Variants in FRMD4B observed in about 807,000 individuals in gnomAD.
FRMD4B encodes the protein FERM domain-containing protein 4B.
In FRMD4B, 74 loss-of-function variants were observed where a neutral mutation model predicts 141.5. That is an observed-to-expected ratio of 0.52 (90% confidence interval 0.43 to 0.63). The LOEUF (loss-of-function observed/expected upper bound fraction) is 0.63, where lower values mean the gene tolerates loss of function less well. Ranked by LOEUF, FRMD4B falls within the 30% of genes least tolerant of loss-of-function variation. The pLI, the probability that FRMD4B is intolerant of heterozygous loss-of-function variation, is 0.00. For missense variants in FRMD4B, 1,366 were observed against 1,253.4 expected, an observed-to-expected ratio of 1.09 and a Z score of -1.36; for synonymous variants, 506 against 467.9, an observed-to-expected ratio of 1.08 and a Z score of -1.05.
intron 5 of FRMD4B, among the ~76,000 whole-genome samples, chr3:69,252,205 G>A (rs747495900): frequency 5.3e-5 from 8 of 152,126 alleles, no homozygotes; most frequent in Non-Finnish European, 1.0e-4. Context: ...ATATTCTTAG[G>A]GAAGCAGCTA....
chr3:69,403,271 A>C (rs1704597046), intron 2 of FRMD4B, among the ~76,000 whole-genome samples: 1 of 152,238 alleles, frequency 6.6e-6, no homozygotes, highest in Non-Finnish European at 1.5e-5. Context: ...ATGTGCAGGC[A>C]TTGACTTATG....
intron 1 of FRMD4B, among the ~76,000 whole-genome samples, chr3:69,472,956 C>CTTTTTTTTTTTTTTT (rs1705921959): frequency 1.8e-5 from 1 of 55,164 alleles, no homozygotes; most frequent in African/African-American, 7.7e-5. Flanking sequence ...TTTTTTTTGG[C>CTTTTTTTTTTTTTTT]TTAGGGGGTG....
chr3:69,288,902 C>A (rs1396294303), intron 4 of FRMD4B, among the ~76,000 whole-genome samples: 1 of 152,150 alleles, frequency 6.6e-6, no homozygotes, highest in South Asian at 2.1e-4. Flanking sequence ...AGTGATGATA[C>A]CTTTGATAAA....
intron 1 of FRMD4B, among the ~76,000 whole-genome samples, chr3:69,380,162 T>C (rs917026409): frequency 2.0e-5 from 3 of 152,196 alleles, no homozygotes; most frequent in East Asian, 1.9e-4. Context: ...TAGTGGGAGA[T>C]GGCTGTGACC....
intron 5 of FRMD4B, among the ~76,000 whole-genome samples, chr3:69,275,932 A>G (rs2093615937): frequency 6.6e-6 from 1 of 152,186 alleles, no homozygotes; most frequent in South Asian, 2.1e-4. Context: ...ATTTCTTCCT[A>G]TGAGTACATT....
intron 7 of FRMD4B, among the ~76,000 whole-genome samples, chr3:69,234,643 A>G (rs994360833): frequency 3.3e-5 from 5 of 152,204 alleles, no homozygotes; most frequent in African/African-American, 1.2e-4. Flanking sequence ...AGGTAAAGCA[A>G]TATTAAAGGT....
intron 1 of FRMD4B, among the ~76,000 whole-genome samples, chr3:69,527,218 G>GA (rs1006539233): frequency 2.6e-5 from 4 of 151,878 alleles, no homozygotes; most frequent in African/African-American, 9.7e-5. Flanking sequence ...GAAAATGCAG[G>GA]AAAAAAAGGA....
At chr3:69,294,329 G>T (rs1700973142) in intron 4 of FRMD4B, among the ~76,000 whole-genome samples, 1 of 152,152 alleles carries the variant, frequency 6.6e-6, no homozygotes, top group African/African-American at 2.4e-5. Flanking sequence ...ACCCTGCAAG[G>T]TAGTCATATC....
At chr3:69,465,853 T>C (rs6784294) in intron 1 of FRMD4B, among the ~76,000 whole-genome samples, 7,404 of 152,214 alleles carry the variant, frequency 0.049, 544 homozygotes, top group African/African-American at 0.17. Context: ...AATAAACATA[T>C]GTGTCCATGT....
chr3:69,351,320 C>T (rs184148726), intron 1 of FRMD4B, among the ~76,000 whole-genome samples: 44 of 152,308 alleles, frequency 2.9e-4, no homozygotes, highest in Admixed American at 4.6e-4. Flanking sequence ...GAATCTACCT[C>T]AGGGACAAAC....
chr3:69,401,555 C>G (rs9882806), intron 2 of FRMD4B, among the ~76,000 whole-genome samples: 86,442 of 151,938 alleles, frequency 0.57, 26,794 homozygotes, highest in Non-Finnish European at 0.68. Flanking sequence ...CTTTCTTCCT[C>G]TCTTTCTTTT....
chr3:69,212,044 C>G (rs140758233), intron 11 of FRMD4B, among the ~76,000 whole-genome samples: 1 of 146,146 alleles, frequency 6.8e-6, no homozygotes, highest in Non-Finnish European at 1.5e-5. Flanking sequence ...AAAAAAAAAA[C>G]GGAGAAAGAG....
At chr3:69,330,351 T>C (rs1702326321) in intron 1 of FRMD4B, among the ~76,000 whole-genome samples, 1 of 136,630 alleles carries the variant, frequency 7.3e-6, no homozygotes, top group African/African-American at 2.8e-5. Flanking sequence ...TTTTTTTTTT[T>C]TTTTTTTTTT....
intron 5 of FRMD4B, among the ~76,000 whole-genome samples, chr3:69,251,353 T>C (rs1190087973): frequency 2.6e-5 from 4 of 152,166 alleles, no homozygotes; most frequent in Non-Finnish European, 5.9e-5. Flanking sequence ...AAAGTAAATA[T>C]ACAATAGACA....
intron 1 of FRMD4B, among the ~76,000 whole-genome samples, chr3:69,325,074 C>CT: frequency 4.7e-4 from 1 of 2,106 alleles, no homozygotes; most frequent in Non-Finnish European, 1.7e-3. Context: ...GAGATACTGT[C>CT]TAAAAAAAAA....
At chr3:69,529,071 G>A (rs768736132) in intron 1 of FRMD4B, among the ~76,000 whole-genome samples, 7 of 152,170 alleles carry the variant, frequency 4.6e-5, no homozygotes, top group Non-Finnish European at 1.0e-4. Flanking sequence ...AAGCTGGTAT[G>A]CACGACCATG....
At chr3:69,524,614 C>G (rs1700905874) in intron 1 of FRMD4B, among the ~76,000 whole-genome samples, 1 of 152,170 alleles carries the variant, frequency 6.6e-6, no homozygotes, top group Non-Finnish European at 1.5e-5. Flanking sequence ...GTAGGGGAAC[C>G]CATATCCCTT....
intron 1 of FRMD4B, chr3:69,536,636 T>C: frequency 9.9e-7 from 1 of 1,013,654 alleles, no homozygotes; most frequent in Non-Finnish European, 1.5e-6. Flanking sequence ...ACCTGGATGA[T>C]CCTGCTGTGG....
chr3:69,310,492 G>A (rs1701540658), intron 3 of FRMD4B: 1 of 455,852 alleles, frequency 2.2e-6, no homozygotes, highest in South Asian at 1.5e-5. Flanking sequence ...AATGTATCGG[G>A]CTGCATAAAA....
Sources: allele counts gnomAD v4.1 joint callset (sites outside exome capture counted in the v4.1 genomes callset), GRCh38; gene constraint gnomAD v4.1.1; transcripts MANE v1.5; gene names NCBI Gene and HGNC (gene_info 2026-07-23, HGNC 2026-07-21).